Variants in PCSK1 observed in about 807,000 individuals in gnomAD.
PCSK1 encodes the protein neuroendocrine convertase 1.
Under a neutral mutation model 90.6 loss-of-function variants are expected in PCSK1, and 56 were observed. That is an observed-to-expected ratio of 0.62 (90% CI 0.50 to 0.77). The LOEUF is 0.77. PCSK1 is among the 30% of genes least tolerant of loss of function. PCSK1 has a pLI of 0.00. For synonymous variants in PCSK1, 348 were observed against 342.4 expected (o/e 1.02, Z -0.18); for missense variants, 801 against 932.6 (o/e 0.86, Z 1.84).
At chr5:96,415,384 G>A (rs1341011793) in intron 6 of PCSK1, among the ~76,000 whole-genome samples, 1 of 152,136 alleles carries the variant, frequency 6.6e-6, no homozygotes, top group Non-Finnish European at 1.5e-5. Flanking sequence ...ATTTTCTGCT[G>A]ACTTCTTCCC....
chr5:96,433,196 G>A lies in PCSK1; in HGVS notation c.-154C>T, dbSNP rs1561380915. On this transcript the variant is annotated 5_prime_UTR_variant, in exon 1 of 14. Coordinates refer to ENST00000311106, the MANE Select transcript of PCSK1 (RefSeq NM_000439.5). ...CGAAGAGCTAGGAGGCGCGAGAGGA[G>A]AGGCTGGGCGGCGGCGAGCGCTCAG... 4 of 735,790 alleles carry A rather than the reference G, an allele frequency of 5.4e-6. No homozygotes were observed. Among genetic ancestry groups the A allele is most frequent in the Non-Finnish European group, 9.5e-6 (4 of 423,112 alleles). The allele number at this position is 735,790 out of a possible 1,614,324, so 45.6% of individuals were successfully genotyped here.
intron 9 of PCSK1, among the ~76,000 whole-genome samples, chr5:96,406,064 A>G (rs1760549535): frequency 6.6e-6 from 1 of 152,160 alleles, no homozygotes; most frequent in South Asian, 2.1e-4. Context: ...ACCCCTCATC[A>G]CTGACCCCAA....
At chr5:96,403,264 C>CTTT (rs1009896263) in intron 9 of PCSK1, among the ~76,000 whole-genome samples, 1 of 152,006 alleles carries the variant, frequency 6.6e-6, no homozygotes, top group African/African-American at 2.4e-5. Context: ...ACCTATTTTT[C>CTTT]TTTTTTTATT....
intron 9 of PCSK1, among the ~76,000 whole-genome samples, chr5:96,401,073 C>T (rs1325489336): frequency 2.1e-5 from 2 of 96,310 alleles, no homozygotes; most frequent in Non-Finnish European, 3.6e-5. Context: ...GGCTAAAGAG[C>T]GGGACTCCGT....
chr5:96,400,208 G>C lies in PCSK1; in HGVS notation c.1197-22C>G, dbSNP rs377422372. 3.3e-6 allele frequency: 5 copies of C among 1,536,484 alleles called. No homozygotes were observed. In the African/African-American group the frequency reaches 5.4e-5, roughly 17 times the overall value. On this transcript the variant is annotated intron_variant, in intron 9 of 13. Coordinates refer to ENST00000311106, the MANE Select transcript of PCSK1 (RefSeq NM_000439.5). ...TGGGCTGGAGGGGAAGTGACCCAAA[G>C]TGTCTTTCAGAGAAAAATGAAGTTT... is the stretch of plus-strand genomic sequence containing the variant.
intron 9 of PCSK1, among the ~76,000 whole-genome samples, chr5:96,405,997 A>G (rs994515971): frequency 6.6e-6 from 1 of 152,202 alleles, no homozygotes; most frequent in Non-Finnish European, 1.5e-5. Flanking sequence ...CTTAAATATA[A>G]TAAGTCTGTT....
chr5:96,430,573 G>A (rs1389286655), intron 1 of PCSK1, among the ~76,000 whole-genome samples: 2 of 152,072 alleles, frequency 1.3e-5, no homozygotes, highest in African/African-American at 4.8e-5. Context: ...CTTAATCCAA[G>A]CTTTATCCTG....
In PCSK1 at chr5:96,433,220, A is replaced by G; in HGVS notation, c.-178T>C. ...AGAGGCTGGGCGGCGGCGAGCGCTC[A>G]GTGAAGCGCTTCGGTCTCCAGGCTG... is the stretch of plus-strand genomic sequence containing the variant. On this transcript the variant is annotated 5_prime_UTR_variant, in exon 1 of 14. Coordinates refer to ENST00000311106, the MANE Select transcript of PCSK1 (RefSeq NM_000439.5). The G allele has an allele frequency of 4.6e-6, 3 of 652,500 alleles. No individual in the cohort carries two copies. Among genetic ancestry groups the G allele is most frequent in the Non-Finnish European group, 8.3e-6 (3 of 363,196 alleles). The allele number at this position is 652,500 out of a possible 1,614,324, so 40.4% of individuals were successfully genotyped here.
chr5:96,431,800 C>T (rs1448251163), intron 1 of PCSK1, among the ~76,000 whole-genome samples: 1 of 152,180 alleles, frequency 6.6e-6, no homozygotes, highest in African/African-American at 2.4e-5. Flanking sequence ...TCAACCACCA[C>T]CTCCAGAAAA....
Position 96,433,049 on chromosome 5 carries a change from C to T in PCSK1, c.-7G>A. 1 of 1,613,748 alleles carries T rather than the reference C, an allele frequency of 6.2e-7. No homozygotes were observed. Among genetic ancestry groups the T allele is most frequent in the Non-Finnish European group, 8.5e-7 (1 of 1,179,630 alleles). On this transcript the variant is annotated 5_prime_UTR_variant, in exon 1 of 14. In the 5' UTR this introduces an upstream ATG that the reference lacks. Coordinates refer to ENST00000311106, the MANE Select transcript of PCSK1 (RefSeq NM_000439.5). ...TCCAGGCTCTTCGCTCCATAGCTCA[C>T]ACACTCGCTTGAACAAGAGTGGGAA...
chr5:96,399,919 C>T (rs368542726), intron 10 of PCSK1, 34 bp downstream of exon 10: 3 of 1,476,582 alleles, frequency 2.0e-6, no homozygotes, highest in Non-Finnish European at 1.9e-6. Flanking sequence ...ATGCCATGGG[C>T]ACACATGTGT....
rs1760776256 is a variant in PCSK1, at chr5:96,412,186, A to G, written c.882+132T>C. 9 of 857,290 alleles carry G rather than the reference A, an allele frequency of 1.0e-5. No homozygotes were observed. The East Asian group carries it at 2.2e-4, about 21-fold the overall frequency. The allele number at this position is 857,290 out of a possible 1,614,324, so 53.1% of individuals were successfully genotyped here. A position where few individuals can be genotyped will look rare whatever the true frequency, so the allele number is the denominator to read the frequency against. The stretch of plus-strand genomic sequence containing the variant: ...AAGAATGATTTGGCCCTCTAAGTGC[A>G]TTTAAAATTGTAAAGGACTTTGTTA... On this transcript the variant is annotated intron_variant, in intron 7 of 13. Coordinates refer to ENST00000311106, the MANE Select transcript of PCSK1 (RefSeq NM_000439.5).
At position 96,433,188 on chromosome 5, in the gene PCSK1, C is replaced by A. The variant is rs547688434; in HGVS notation, c.-146G>T. ...TTGCTCTGCGAAGAGCTAGGAGGCG[C>A]GAGAGGAGAGGCTGGGCGGCGGCGA... On this transcript the variant is annotated 5_prime_UTR_variant, in exon 1 of 14. Coordinates refer to ENST00000311106, the MANE Select transcript of PCSK1 (RefSeq NM_000439.5). 7.7e-6 allele frequency: 6 copies of A among 775,054 alleles called. No homozygotes were observed. In the Admixed American group the frequency reaches 8.1e-5, roughly 10 times the overall value. 48.0% of individuals were successfully genotyped at this position (775,054 alleles called of 1,614,324 possible). A position where few individuals can be genotyped will look rare whatever the true frequency, so the allele number is the denominator to read the frequency against.
At chr5:96,398,692 A>G (rs1760248922) in intron 11 of PCSK1, among the ~76,000 whole-genome samples, 187 bp downstream of exon 11, 1 of 152,212 alleles carries the variant, frequency 6.6e-6, no homozygotes, top group Non-Finnish European at 1.5e-5. Flanking sequence ...TTATCAAAGG[A>G]TCAGTGGAAA....
intron 9 of PCSK1, among the ~76,000 whole-genome samples, chr5:96,402,553 T>C (rs1371043403): frequency 6.6e-6 from 1 of 152,160 alleles, no homozygotes; most frequent in African/African-American, 2.4e-5. Context: ...TCAGAGTCCA[T>C]AAAATTGCCA....
At chr5:96,427,723 G>C (rs77649569) in intron 2 of PCSK1, among the ~76,000 whole-genome samples, 1 of 152,186 alleles carries the variant, frequency 6.6e-6, no homozygotes, top group Non-Finnish European at 1.5e-5. Flanking sequence ...TCCTATGAAA[G>C]TGAGAAGGCA....
At chr5:96,427,751 T>C (rs553250351) in intron 2 of PCSK1, among the ~76,000 whole-genome samples, 1 of 152,330 alleles carries the variant, frequency 6.6e-6, no homozygotes, top group East Asian at 1.9e-4. Flanking sequence ...TTGAGTTCTA[T>C]GTGCATTAAT....
chr5:96,406,910 A>G (rs156016), intron 9 of PCSK1, among the ~76,000 whole-genome samples: 47,316 of 152,176 alleles, frequency 0.31, 8,004 homozygotes, highest in Admixed American at 0.43. Flanking sequence ...GAATGAGGAC[A>G]CATAAAAAGC....
At chr5:96,396,415 G>C (rs2112392239) in intron 12 of PCSK1, among the ~76,000 whole-genome samples, 1 of 152,126 alleles carries the variant, frequency 6.6e-6, no homozygotes, top group South Asian at 2.1e-4. Context: ...ACAAAAATTA[G>C]CCAGGCTTGG....
Sources: gnomAD v4.1 joint callset for allele counts (sites outside exome capture counted in the v4.1 genomes callset) on GRCh38, gnomAD v4.1.1 for gene constraint, MANE v1.5 for transcripts, NCBI Gene and HGNC (gene_info 2026-07-23, HGNC 2026-07-21) for gene names.